The following PPP1R2 variants were observed in gnomAD, a reference collection of about 807,000 sequenced individuals.
PPP1R2 encodes protein phosphatase 1 regulatory inhibitor subunit 2, also known as protein phosphatase inhibitor 2.
A neutral mutation model predicts 29.9 loss-of-function variants in PPP1R2; 16 were observed. That is an observed-to-expected ratio of 0.53 (90% confidence interval 0.36 to 0.81). The LOEUF (loss-of-function observed/expected upper bound fraction) is 0.81. PPP1R2 is among the 30% of genes least tolerant of loss of function. The probability of loss-of-function intolerance (pLI) is 0.00; values close to 1 mark genes in which losing one functional copy is unlikely to be tolerated. For missense variants in PPP1R2, 197 were observed against 252.7 expected (o/e 0.78, Z 1.49); for synonymous variants, 76 against 91.5 (o/e 0.83, Z 0.96).
At chr3:195,521,314 CAAAA>C (rs869228346) in intron 4 of PPP1R2, among the ~76,000 whole-genome samples, 2 of 56,676 alleles carry the variant, frequency 3.5e-5, no homozygotes, top group African/African-American at 1.4e-4. Flanking sequence ...GACTCTGTCT[CAAAA>C]AAAAAAAAAA....
At chr3:195,540,366 A>C (rs1719549697) in intron 1 of PPP1R2, among the ~76,000 whole-genome samples, 1 of 152,172 alleles carries the variant, frequency 6.6e-6, no homozygotes, top group Non-Finnish European at 1.5e-5. Context: ...TGGTGTGTAA[A>C]ATGGCTCCCA....
At chr3:195,532,042 CT>C in intron 1 of PPP1R2, among the ~76,000 whole-genome samples, 1 of 152,008 alleles carries the variant, frequency 6.6e-6, no homozygotes, top group East Asian at 1.9e-4. Flanking sequence ...GAATGTCTCT[CT>C]TTTTTTAAGA....
chr3:195,519,602 A>G (rs1301867590), intron 4 of PPP1R2: 1 of 153,040 alleles, frequency 6.5e-6, no homozygotes, highest in Non-Finnish European at 1.5e-5. Context: ...TTTAATTCTG[A>G]GTCAAGGAAC....
intron 1 of PPP1R2, among the ~76,000 whole-genome samples, chr3:195,530,299 T>C (rs779813215): frequency 3.3e-5 from 5 of 152,334 alleles, no homozygotes; most frequent in East Asian, 1.9e-4. Flanking sequence ...ACAGGAGTAC[T>C]TCCTTGGCAT....
chr3:195,542,108 G>A (rs1344934379), intron 1 of PPP1R2, among the ~76,000 whole-genome samples: 1 of 152,148 alleles, frequency 6.6e-6, no homozygotes, highest in Non-Finnish European at 1.5e-5. Context: ...ACCCACTACA[G>A]ATACTGTACT....
chr3:195,539,605 G>A (rs1046153484), intron 1 of PPP1R2, among the ~76,000 whole-genome samples: 1 of 152,116 alleles, frequency 6.6e-6, no homozygotes, highest in Non-Finnish European at 1.5e-5. Context: ...TCATTTGAGA[G>A]CAGGAGATGG....
At position 195,543,104 on chromosome 3, in the gene PPP1R2, C is replaced by G. The variant is rs1164558838; in HGVS notation, c.-79G>C. 1.3e-6 allele frequency: 2 copies of G among 1,483,368 alleles called. No homozygotes were observed. Among genetic ancestry groups the G allele is most frequent in the Non-Finnish European group, 1.8e-6 (2 of 1,111,738 alleles). The allele number at this position is 1,483,368 out of a possible 1,614,324, so 91.9% of individuals were successfully genotyped here. A position where few individuals can be genotyped will look rare whatever the true frequency, so the allele number is the denominator to read the frequency against. On this transcript the variant is annotated 5_prime_UTR_variant, in exon 1 of 6. Transcript: ENST00000618156. ...AAGAGAAGGGTCGGCACAGCAGAGA[C>G]TCGCAGGCAGCCGCAGATCCCGCTC...
At chr3:195,536,187 G>A (rs949350021) in intron 1 of PPP1R2, among the ~76,000 whole-genome samples, 3 of 151,762 alleles carry the variant, frequency 2.0e-5, no homozygotes, top group Admixed American at 2.0e-4. Context: ...GCTGGGCACA[G>A]TGGCTCATGC....
chr3:195,523,817 C>T (rs372012285), intron 3 of PPP1R2, 31 bp from the exon 4 acceptor site: 3 of 1,566,446 alleles, frequency 1.9e-6, no homozygotes, highest in African/African-American at 1.4e-5. Flanking sequence ...AAGAAATTAA[C>T]AGTGATGTTT....
At chr3:195,527,836 C>T in intron 2 of PPP1R2, 3 of 339,308 alleles carry the variant, frequency 8.8e-6, no homozygotes, top group Non-Finnish European at 1.7e-5. Context: ...TGTTAATAGC[C>T]ACTGCACTGG....
In PPP1R2 at chr3:195,535,474, C is replaced by A. The variant is rs73890857; in HGVS notation, c.123-5573G>T. Among the ~76,000 whole-genome samples the A allele has an allele frequency of 2.4e-3, 369 of 152,302 alleles. 2 individuals carry two copies. The highest frequency in any genetic ancestry group is 8.7e-3 in the African/African-American group (362 of 41,564). On this transcript the variant is annotated intron_variant, in intron 1 of 5. Transcript: ENST00000618156. ...TCGAGAAAACTGTATCCAGATGTTA[C>A]GCATGACTTCACGGGATTTACGACA...
chr3:195,542,117 C>G (rs555239821), intron 1 of PPP1R2, among the ~76,000 whole-genome samples: 4 of 152,304 alleles, frequency 2.6e-5, no homozygotes, highest in African/African-American at 9.6e-5. Flanking sequence ...AGATACTGTA[C>G]TGCAACATTT....
At chr3:195,542,510 T>C (rs575221854) in intron 1 of PPP1R2, among the ~76,000 whole-genome samples, 38 of 152,320 alleles carry the variant, frequency 2.5e-4, no homozygotes, top group Admixed American at 5.2e-4. Context: ...AGCTTGAGAC[T>C]AGATCTTAAA....
intron 1 of PPP1R2, among the ~76,000 whole-genome samples, chr3:195,539,898 G>C (rs1719530188): frequency 6.6e-6 from 1 of 152,148 alleles, no homozygotes; most frequent in Non-Finnish European, 1.5e-5. Context: ...TCTAATGATA[G>C]TAGTACATCC....
intron 4 of PPP1R2, 110 bp downstream of exon 4, chr3:195,523,582 T>C: frequency 1.3e-6 from 1 of 793,960 alleles, no homozygotes; most frequent in South Asian, 1.5e-5. Flanking sequence ...TTCATTCTCC[T>C]CCCCTGTGTG....
chr3:195,523,423 G>A (rs1220853972), intron 4 of PPP1R2, among the ~76,000 whole-genome samples: 1 of 152,166 alleles, frequency 6.6e-6, no homozygotes, highest in Non-Finnish European at 1.5e-5. Context: ...TATTTACTGA[G>A]TATCTACTCT....
intron 1 of PPP1R2, among the ~76,000 whole-genome samples, chr3:195,530,819 G>T (rs1397766351): frequency 7.0e-6 from 1 of 143,662 alleles, no homozygotes; most frequent in Admixed American, 7.0e-5. Flanking sequence ...CCACCAGGCC[G>T]GGCCATTATT....
chr3:195,540,600 T>C (rs1719557740), intron 1 of PPP1R2, among the ~76,000 whole-genome samples: 1 of 152,198 alleles, frequency 6.6e-6, no homozygotes, highest in South Asian at 2.1e-4. Flanking sequence ...GACTGGGTCA[T>C]GAGGGCTCTG....
At chr3:195,542,309 G>A (rs1247432255) in intron 1 of PPP1R2, among the ~76,000 whole-genome samples, 1 of 152,102 alleles carries the variant, frequency 6.6e-6, no homozygotes, top group African/African-American at 2.4e-5. Context: ...TATCTTTAGC[G>A]TATGCAAGAG....
Sources: gnomAD v4.1 joint callset for allele counts (sites outside exome capture counted in the v4.1 genomes callset) on GRCh38, gnomAD v4.1.1 for gene constraint, MANE v1.5 for transcripts, NCBI Gene and HGNC (gene_info 2026-07-23, HGNC 2026-07-21) for gene names.